Variants in LINGO2 observed in about 807,000 individuals in gnomAD.
LINGO2 encodes the protein leucine rich repeat and Ig domain containing 2, also known as leucine-rich repeat and immunoglobulin-like domain-containing nogo receptor-interacting protein 2.
A neutral mutation model predicts 30.6 loss-of-function variants in LINGO2; 14 were observed. That is an observed-to-expected ratio of 0.46 (90% CI 0.30 to 0.72). The LOEUF is 0.72. Ranked by LOEUF, LINGO2 falls within the 30% of genes least tolerant of loss-of-function variation. The pLI, the probability that LINGO2 is intolerant of heterozygous loss-of-function variation, is 0.07. For synonymous variants in LINGO2, 317 were observed against 288.5 expected (o/e 1.10, Z -1.00); for missense variants, 729 against 751.7 (o/e 0.97, Z 0.35).
chr9:28,890,120 A>G, the LINGO2 span, among the ~76,000 whole-genome samples: 1 of 152,096 alleles, frequency 6.6e-6, no homozygotes, highest in Non-Finnish European at 1.5e-5. Context: ...GCAGTATGTA[A>G]ATACTTTATT....
chr9:28,603,332 A>C (rs1825566653), intron 1 of LINGO2, among the ~76,000 whole-genome samples: 1 of 152,036 alleles, frequency 6.6e-6, no homozygotes, highest in African/African-American at 2.4e-5. Context: ...TCTAGTACTG[A>C]GCCATAATCC....
chr9:28,502,645 A>G (rs1212272233), intron 1 of LINGO2, among the ~76,000 whole-genome samples: 1 of 152,108 alleles, frequency 6.6e-6, no homozygotes, highest in African/African-American at 2.4e-5. Flanking sequence ...TGAATATTAT[A>G]GTGACATTTG....
At chr9:28,914,509 T>C in the LINGO2 span, among the ~76,000 whole-genome samples, 1 of 152,186 alleles carries the variant, frequency 6.6e-6, no homozygotes, top group South Asian at 2.1e-4. Flanking sequence ...CAGATCAATA[T>C]TAGCTTGAGA....
intron 4 of LINGO2, among the ~76,000 whole-genome samples, chr9:28,285,350 T>A (rs1371811181): frequency 6.6e-6 from 1 of 151,630 alleles, no homozygotes; most frequent in African/African-American, 2.4e-5. Flanking sequence ...AATATCTCCA[T>A]ATTACTGATT....
At chr9:28,205,780 C>T (rs1820388188) in intron 4 of LINGO2, among the ~76,000 whole-genome samples, 2 of 152,192 alleles carry the variant, frequency 1.3e-5, no homozygotes, top group Admixed American at 1.3e-4. Context: ...CTGGATGAAA[C>T]AAATCTTATC....
chr9:29,061,687 T>C, the LINGO2 span, among the ~76,000 whole-genome samples: 885 of 152,024 alleles, frequency 5.8e-3, 8 homozygotes, highest in African/African-American at 0.021. Flanking sequence ...TAATTCAAAA[T>C]ACATCAAAGG....
intron 5 of LINGO2, among the ~76,000 whole-genome samples, chr9:27,956,999 G>A (rs941031182): frequency 1.3e-5 from 2 of 152,166 alleles, no homozygotes; most frequent in African/African-American, 4.8e-5. Context: ...GGAAGCTGAG[G>A]TGGGAGAATT....
At chr9:28,778,963 T>C in the LINGO2 span, among the ~76,000 whole-genome samples, 1 of 152,168 alleles carries the variant, frequency 6.6e-6, no homozygotes. Flanking sequence ...AAATTGATTT[T>C]AATTAAGATC....
the LINGO2 span, among the ~76,000 whole-genome samples, chr9:28,757,547 AT>A: frequency 8.5e-6 from 1 of 117,860 alleles, no homozygotes; most frequent in African/African-American, 3.8e-5. Context: ...AACACTAAAT[AT>A]AGGATATAAA....
At chr9:28,953,622 T>C in the LINGO2 span, among the ~76,000 whole-genome samples, 1 of 152,104 alleles carries the variant, frequency 6.6e-6, no homozygotes, top group Non-Finnish European at 1.5e-5. Context: ...CCTTATTCAA[T>C]CTGCATTCAA....
chr9:28,426,673 G>A (rs1823426470), intron 2 of LINGO2, among the ~76,000 whole-genome samples: 2 of 152,206 alleles, frequency 1.3e-5, no homozygotes, highest in Non-Finnish European at 2.9e-5. Context: ...CCCCTGAGGT[G>A]CACATGGCTT....
intron 4 of LINGO2, among the ~76,000 whole-genome samples, chr9:28,109,526 T>C (rs1826706935): frequency 6.6e-6 from 1 of 152,150 alleles, no homozygotes; most frequent in South Asian, 2.1e-4. Flanking sequence ...CTCCTTAAGC[T>C]GATAAGCAAC....
At chr9:28,353,577 T>C (rs894338037) in intron 3 of LINGO2, among the ~76,000 whole-genome samples, 3 of 150,826 alleles carry the variant, frequency 2.0e-5, no homozygotes, top group Non-Finnish European at 4.5e-5. Flanking sequence ...AGTTCAACCA[T>C]TGTGGAAGTC....
the LINGO2 span, among the ~76,000 whole-genome samples, chr9:28,686,112 A>G: frequency 3.3e-5 from 5 of 151,990 alleles, no homozygotes; most frequent in Admixed American, 3.3e-4. Context: ...TGGGGCAGAA[A>G]TTGGGGAAAT....
the LINGO2 span, among the ~76,000 whole-genome samples, chr9:28,869,050 T>C: frequency 2.0e-5 from 3 of 152,128 alleles, no homozygotes; most frequent in South Asian, 2.1e-4. Flanking sequence ...GATATACTTA[T>C]TAAATACATA....
chr9:29,156,107 G>A, the LINGO2 span, among the ~76,000 whole-genome samples: 1 of 152,044 alleles, frequency 6.6e-6, no homozygotes, highest in East Asian at 1.9e-4. Context: ...ACTATAGATT[G>A]CTCTGGGCAC....
At chr9:28,497,289 G>T (rs1819672546) in intron 1 of LINGO2, among the ~76,000 whole-genome samples, 1 of 152,090 alleles carries the variant, frequency 6.6e-6, no homozygotes, top group African/African-American at 2.4e-5. Context: ...ACTACTTTCA[G>T]GTACACCAAT....
At chr9:28,503,771 A>G (rs1587769049) in intron 1 of LINGO2, among the ~76,000 whole-genome samples, 1 of 151,960 alleles carries the variant, frequency 6.6e-6, no homozygotes, top group Admixed American at 6.6e-5. Flanking sequence ...TTCCCGAGGT[A>G]TGAGTCAGAA....
chr9:28,767,439 A>T, the LINGO2 span, among the ~76,000 whole-genome samples: 3 of 152,106 alleles, frequency 2.0e-5, no homozygotes, highest in Non-Finnish European at 4.4e-5. Context: ...TCTGCTTTTT[A>T]TTATCCAAGT....
Sources: gnomAD v4.1 joint callset for allele counts (sites outside exome capture counted in the v4.1 genomes callset) on GRCh38, gnomAD v4.1.1 for gene constraint, MANE v1.5 for transcripts, NCBI Gene and HGNC (gene_info 2026-07-23, HGNC 2026-07-21) for gene names.